Variants in ADCY5 observed in about 807,000 individuals in gnomAD.
The protein encoded by ADCY5 is adenylate cyclase type 5.
In ADCY5, 30 loss-of-function variants were observed where a neutral mutation model predicts 119.7. The observed-to-expected ratio is 0.25, with a 90% CI of 0.19 to 0.34. The LOEUF (loss-of-function observed/expected upper bound fraction) is 0.34. Among genes scored for constraint, ADCY5 ranks in the 10% least tolerant of loss-of-function variants. The probability of loss-of-function intolerance (pLI) is 1.00; values close to 1 mark genes in which losing one functional copy is unlikely to be tolerated. For synonymous variants in ADCY5, 753 were observed against 762.2 expected, an observed-to-expected ratio of 0.99 and a Z score of 0.20; for missense variants, 1,324 against 1,775.2, an observed-to-expected ratio of 0.75 and a Z score of 4.57.
chr3:123,406,310 C>A (rs72966550), intron 1 of ADCY5, among the ~76,000 whole-genome samples: 1 of 152,240 alleles, frequency 6.6e-6, no homozygotes, highest in African/African-American at 2.4e-5. Context: ...TCCCTGGCTC[C>A]CTCTGCCTCC....
chr3:123,410,871 C>T (rs1372516837), intron 1 of ADCY5, among the ~76,000 whole-genome samples: 2 of 152,200 alleles, frequency 1.3e-5, no homozygotes, highest in African/African-American at 4.8e-5. Context: ...TGCTCTCAAT[C>T]TCCTGGCCTC....
chr3:123,332,470 G>A, intron 4 of ADCY5, 94 bp downstream of exon 4: 4 of 908,886 alleles, frequency 4.4e-6, no homozygotes, highest in Admixed American at 4.0e-5. Flanking sequence ...CCAGGCACAT[G>A]CCCATCCCTG....
intron 1 of ADCY5, among the ~76,000 whole-genome samples, chr3:123,433,372 C>T (rs1259466269): frequency 6.6e-6 from 1 of 152,142 alleles, no homozygotes; most frequent in Non-Finnish European, 1.5e-5. Context: ...TTCCACTCAG[C>T]GTGGTGAAAT....
chr3:123,388,142 T>G (rs1944287611), intron 1 of ADCY5, among the ~76,000 whole-genome samples: 1 of 152,144 alleles, frequency 6.6e-6, no homozygotes, highest in South Asian at 2.1e-4. Flanking sequence ...GACCTGAATT[T>G]TGGAAATGTC....
chr3:123,307,946 T>C (rs976429263), intron 12 of ADCY5, among the ~76,000 whole-genome samples: 27 of 149,218 alleles, frequency 1.8e-4, no homozygotes, highest in Non-Finnish European at 3.3e-4. Flanking sequence ...GGCTCTACCA[T>C]CTAATGAATG....
At chr3:123,387,846 G>T (rs1368605572) in intron 1 of ADCY5, among the ~76,000 whole-genome samples, 1 of 152,218 alleles carries the variant, frequency 6.6e-6, no homozygotes, top group African/African-American at 2.4e-5. Context: ...ATAAAACCAG[G>T]AGAGTACAAC....
intron 1 of ADCY5, among the ~76,000 whole-genome samples, chr3:123,422,313 G>A (rs1338205863): frequency 6.6e-6 from 1 of 152,208 alleles, no homozygotes; most frequent in Non-Finnish European, 1.5e-5. Context: ...AGAGGAGCTA[G>A]TCATTTAGTA....
chr3:123,317,033 A>ATG (rs35488886), intron 11 of ADCY5, among the ~76,000 whole-genome samples: 18 of 151,298 alleles, frequency 1.2e-4, no homozygotes, highest in East Asian at 9.7e-4. Flanking sequence ...ACGTATATGT[A>ATG]TGTGTGTGTG....
intron 16 of ADCY5, 174 bp downstream of exon 16, chr3:123,297,179 G>GC (rs746777724): frequency 7.5e-6 from 10 of 1,339,478 alleles, no homozygotes; most frequent in South Asian, 1.2e-5. Flanking sequence ...CAGGGCCTCT[G>GC]CCCCCCGAGG....
rs113819438 is a variant in ADCY5 at position 123,414,196 on chromosome 3, T to C, written c.1134+33216A>G. Among the ~76,000 whole-genome samples the C allele has an allele frequency of 4.7e-3, 712 of 152,222 alleles. 5 individuals carry two copies. Among genetic ancestry groups the C allele is most frequent in the African/African-American group, 0.016 (669 of 41,518 alleles). On this transcript the variant is annotated intron_variant, in intron 1 of 20. Coordinates refer to ENST00000462833, the MANE Select transcript of ADCY5 (RefSeq NM_183357.3). ...CACTCCTCAGTCCACCCCAGCCTTC[T>C]CTGCTCCCAAGTGGACAATCCCAGC...
chr3:123,307,835 C>A (rs1214298399), intron 12 of ADCY5, among the ~76,000 whole-genome samples: 1 of 151,988 alleles, frequency 6.6e-6, no homozygotes, highest in Non-Finnish European at 1.5e-5. Flanking sequence ...ATAGAGTATG[C>A]ACATTAGCTT....
intron 1 of ADCY5, among the ~76,000 whole-genome samples, chr3:123,390,265 T>G (rs560564444): frequency 3.3e-5 from 5 of 152,236 alleles, no homozygotes; most frequent in Non-Finnish European, 7.4e-5. Context: ...ACCTGGATGC[T>G]GTGCTAGTGG....
intron 1 of ADCY5, among the ~76,000 whole-genome samples, chr3:123,434,765 C>T (rs1258162735): frequency 1.3e-5 from 2 of 152,080 alleles, no homozygotes; most frequent in East Asian, 1.9e-4. Flanking sequence ...AAGGTGCACC[C>T]AGGATAAGAA....
chr3:123,347,089 C>A (rs1050522253), intron 3 of ADCY5, among the ~76,000 whole-genome samples: 2 of 152,108 alleles, frequency 1.3e-5, no homozygotes, highest in African/African-American at 4.8e-5. Context: ...GCCCTTGAGT[C>A]TTTTAATCTA....
rs1195380176 is a variant in ADCY5 at position 123,397,126 on chromosome 3, G to A, written c.1135-44545C>T. ...CTCTGTCCTGACATTCCTAAGAATGGGTGGAACTAGGTGGAAGGGAAGGGG... is the reference window on the plus strand; with the variant it reads ...CTCTGTCCTGACATTCCTAAGAATGAGTGGAACTAGGTGGAAGGGAAGGGG... On this transcript the variant is annotated intron_variant, in intron 1 of 20. Coordinates refer to ENST00000462833, the MANE Select transcript of ADCY5 (RefSeq NM_183357.3). Among the ~76,000 whole-genome samples the A allele has an allele frequency of 3.9e-5, 6 of 152,178 alleles. No homozygotes were observed. In the East Asian group the frequency reaches 1.2e-3, roughly 29 times the overall value.
chr3:123,379,198 C>A (rs191120959), intron 1 of ADCY5, among the ~76,000 whole-genome samples: 1 of 152,174 alleles, frequency 6.6e-6, no homozygotes, highest in Non-Finnish European at 1.5e-5. Flanking sequence ...TTCACTCCCC[C>A]ACCCACATAC....
At chr3:123,368,563 C>T (rs1943531850) in intron 1 of ADCY5, among the ~76,000 whole-genome samples, 1 of 152,212 alleles carries the variant, frequency 6.6e-6, no homozygotes, top group Non-Finnish European at 1.5e-5. Flanking sequence ...CACCACTGCA[C>T]TCCAGGCTGG....
At chr3:123,351,039 G>T (rs1008361290) in intron 2 of ADCY5, among the ~76,000 whole-genome samples, 8 of 152,138 alleles carry the variant, frequency 5.3e-5, no homozygotes, top group Admixed American at 5.2e-4. Context: ...GCCAGCAAGG[G>T]CTTCCTTCAA....
In ADCY5 at chr3:123,291,025, G is replaced by A. The variant is rs184813252; in HGVS notation, c.3327+88C>T. ...CTGCTTATGTCACGATGGTAGAAGGGGGCGCCAGGTCTCTTCACATCCCTC... is the reference window on the plus strand; with the variant it reads ...CTGCTTATGTCACGATGGTAGAAGGAGGCGCCAGGTCTCTTCACATCCCTC... On this transcript the variant is annotated intron_variant, in intron 18 of 20. Coordinates refer to ENST00000462833, the MANE Select transcript of ADCY5 (RefSeq NM_183357.3). 64 of 1,470,080 alleles carry A rather than the reference G, an allele frequency of 4.4e-5. No individual in the cohort carries two copies. In the East Asian group the frequency reaches 1.5e-3, roughly 34 times the overall value. 91.1% of individuals were successfully genotyped at this position (1,470,080 alleles called of 1,614,324 possible).
Sources: gnomAD v4.1 joint callset for allele counts (sites outside exome capture counted in the v4.1 genomes callset) on GRCh38, gnomAD v4.1.1 for gene constraint, MANE v1.5 for transcripts, NCBI Gene and HGNC (gene_info 2026-07-23, HGNC 2026-07-21) for gene names.